CNTLN: variants seen among roughly 807,000 people sequenced by gnomAD.
CNTLN encodes the protein centlein.
In CNTLN, 212 loss-of-function variants were observed where a neutral mutation model predicts 180.0. The ratio of observed to expected loss-of-function variants is 1.18; its 90% CI spans 1.05 to 1.32. CNTLN has a LOEUF of 1.32. Among genes scored for constraint, CNTLN ranks in the 40% most tolerant of loss-of-function variants. The pLI is 0.00. For synonymous variants in CNTLN, 722 were observed against 563.1 expected (o/e 1.28, Z -3.99); for missense variants, 2,095 against 1,610.9 (o/e 1.30, Z -5.14).
At chr9:17,325,261 T>C (rs1469931156) in intron 8 of CNTLN, among the ~76,000 whole-genome samples, 1 of 144,420 alleles carries the variant, frequency 6.9e-6, no homozygotes, top group Non-Finnish European at 1.5e-5. Context: ...TAACAATGTT[T>C]ACTTTATTAA....
At chr9:17,507,234 A>G (rs1287158847), downstream of CNTLN, among the ~76,000 whole-genome samples, 1 of 152,106 alleles carries the variant, frequency 6.6e-6, no homozygotes, top group Non-Finnish European at 1.5e-5. Flanking sequence ...AAATGAGAAC[A>G]TGAGGTATTT....
intron 2 of CNTLN, among the ~76,000 whole-genome samples, chr9:17,155,630 C>T (rs956171752): frequency 2.0e-5 from 3 of 152,134 alleles, no homozygotes; most frequent in African/African-American, 7.2e-5. Context: ...TTGACTGTCC[C>T]AGGTGGATCT....
intron 12 of CNTLN, among the ~76,000 whole-genome samples, chr9:17,358,705 C>T (rs1823053474): frequency 6.6e-6 from 1 of 151,988 alleles, no homozygotes; most frequent in African/African-American, 2.4e-5. Context: ...AGTAATAATT[C>T]TACTTCTAGT....
intron 2 of CNTLN, among the ~76,000 whole-genome samples, chr9:17,204,170 C>G (rs1349307310): frequency 6.6e-6 from 1 of 152,182 alleles, no homozygotes; most frequent in African/African-American, 2.4e-5. Context: ...GTCAGTTTGT[C>G]AATCTCGTTC....
chr9:17,299,561 T>C, intron 7 of CNTLN: 1 of 985,268 alleles, frequency 1.0e-6, no homozygotes, highest in Non-Finnish European at 1.2e-6. Flanking sequence ...TGGTTTTCAG[T>C]GTGTGTTTTG....
chr9:17,212,087 C>G (rs1490361533), intron 2 of CNTLN, among the ~76,000 whole-genome samples: 2 of 152,146 alleles, frequency 1.3e-5, no homozygotes, highest in East Asian at 3.8e-4. Flanking sequence ...ATTTCCAAGA[C>G]TATGTTGAAT....
chr9:17,286,911 A>G (rs373587145), intron 6 of CNTLN, among the ~76,000 whole-genome samples: 9 of 134,590 alleles, frequency 6.7e-5, no homozygotes, highest in African/African-American at 1.5e-4. Flanking sequence ...TTTGGGCTGA[A>G]ACAATGGGGT....
chr9:17,452,986 C>G (rs1183859184), intron 18 of CNTLN, among the ~76,000 whole-genome samples: 1 of 151,848 alleles, frequency 6.6e-6, no homozygotes, highest in Non-Finnish European at 1.5e-5. Context: ...ATGGAACATA[C>G]AAATAAATTG....
chr9:17,518,501 A>G, the CNTLN span, among the ~76,000 whole-genome samples: 1 of 152,178 alleles, frequency 6.6e-6, no homozygotes, highest in Non-Finnish European at 1.5e-5. Context: ...GAAGTGTGGC[A>G]TTGATAATGC....
intron 12 of CNTLN, among the ~76,000 whole-genome samples, chr9:17,342,984 A>G (rs933607570): frequency 9.2e-5 from 14 of 151,746 alleles, no homozygotes; most frequent in Non-Finnish European, 1.5e-4. Flanking sequence ...ATCTGCTAAC[A>G]TGGTCCTTGG....
chr9:17,211,944 G>A (rs1823347684), intron 2 of CNTLN, among the ~76,000 whole-genome samples: 1 of 152,204 alleles, frequency 6.6e-6, no homozygotes, highest in Admixed American at 6.5e-5. Context: ...ATCAGCTTAA[G>A]GAGATTGGGG....
Position 17,388,207 on chromosome 9 carries a change from C to G in CNTLN, c.2033C>G (p.Thr678Ser). The stretch of plus-strand genomic sequence containing the variant: ...GAAGATGATGAGGTCAAGAGGAGTA[C>G]TCCAGAGAAGAATGGAAAAGAAATG... ...SGEDDEVKRS[T>S]PEKNGKEMLE... Residue 678 changes from threonine to serine, a missense_variant, in exon 14 of 26, where the codon ACT becomes AGT. Transcript: ENST00000380647. The G allele has an allele frequency of 6.2e-7, 1 of 1,612,454 alleles. No homozygotes were observed. The highest frequency in any genetic ancestry group is 1.1e-5 in the South Asian group (1 of 90,948).
In CNTLN at chr9:17,212,747, A is replaced by T. The variant is rs770028483; in HGVS notation, c.450-13456A>T. Among the ~76,000 whole-genome samples the T allele has an allele frequency of 1.1e-3, 173 of 152,150 alleles. 1 individual carries two copies. Among genetic ancestry groups the T allele is most frequent in the Non-Finnish European group, 2.2e-3 (153 of 68,032 alleles). On this transcript the variant is annotated intron_variant, in intron 2 of 25. Transcript: ENST00000380647. ...CAATTTCAGAGGCTGTGTTTGGTCT[A>T]TTCAGGGATTCAACTTCTTCCTGGT...
intron 7 of CNTLN, among the ~76,000 whole-genome samples, chr9:17,306,445 G>C (rs551886071): frequency 6.6e-6 from 1 of 152,192 alleles, no homozygotes; most frequent in Non-Finnish European, 1.5e-5. Context: ...CAACGTGCCT[G>C]ACCAGTGCTC....
At chr9:17,430,303 G>A (rs1308274207) in intron 18 of CNTLN, among the ~76,000 whole-genome samples, 3 of 151,610 alleles carry the variant, frequency 2.0e-5, no homozygotes, top group Admixed American at 6.6e-5. Context: ...CTTTTCAATT[G>A]TCACCCATTA....
chr9:17,428,305 A>G (rs767138120), intron 18 of CNTLN, among the ~76,000 whole-genome samples: 16 of 152,184 alleles, frequency 1.1e-4, no homozygotes, highest in Non-Finnish European at 2.1e-4. Flanking sequence ...TGATAATAAT[A>G]ATAGTGAGAA....
In CNTLN at chr9:17,235,710, C is replaced by T. The variant is rs1187725973; in HGVS notation, c.587C>T (p.Ala196Val). The change falls in exon 4 of 26, where the codon GCA becomes GTA. Residue 196 changes from alanine to valine, a missense_variant. Physicochemically the swap from Ala to Val is moderately conservative, Grantham distance 64 (BLOSUM62 0). Transcript: ENST00000380647. ...AATGACCTTGTAAAACGGAAAATTG[C>T]AGTAGATGAAGAAAATGCTTTCTTA... Reference protein sequence around the residue: ...EINDLVKRKIAVDEENAFLRK... With the variant: ...EINDLVKRKIVVDEENAFLRK... 15 of 1,605,908 alleles carry T rather than the reference C, an allele frequency of 9.3e-6. No homozygotes were observed. Among genetic ancestry groups the T allele is most frequent in the Non-Finnish European group, 1.2e-5 (14 of 1,176,148 alleles).
At chr9:17,371,937 T>A (rs762368552) in intron 13 of CNTLN, among the ~76,000 whole-genome samples, 1 of 152,020 alleles carries the variant, frequency 6.6e-6, no homozygotes, top group Non-Finnish European at 1.5e-5. Context: ...AAGCACAACA[T>A]ACTAGAACCT....
chr9:17,314,896 C>G (rs538023737), intron 8 of CNTLN, among the ~76,000 whole-genome samples: 3 of 152,150 alleles, frequency 2.0e-5, no homozygotes, highest in African/African-American at 7.2e-5. Context: ...TTTTTAAAGA[C>G]TATTTTAACT....
Sources: allele counts gnomAD v4.1 joint callset (sites outside exome capture counted in the v4.1 genomes callset), GRCh38; gene constraint gnomAD v4.1.1; transcripts MANE v1.5; gene names NCBI Gene and HGNC (gene_info 2026-07-23, HGNC 2026-07-21).